Variants in NISCH observed in about 807,000 individuals in gnomAD.
The protein encoded by NISCH is nischarin.
Under a neutral mutation model 138.4 loss-of-function variants are expected in NISCH, and 55 were observed. The observed-to-expected ratio is 0.40, with a 90% CI of 0.32 to 0.50. The LOEUF is 0.50. Among genes scored for constraint, NISCH ranks in the 20% least tolerant of loss-of-function variants. The pLI, the probability that NISCH is intolerant of heterozygous loss-of-function variation, is 0.71. For missense variants in NISCH, 1,643 were observed against 2,005.5 expected, an observed-to-expected ratio of 0.82 and a Z score of 3.45; for synonymous variants, 860 against 861.5, an observed-to-expected ratio of 1.00 and a Z score of 0.03.
chr3:52,487,609 G>A lies in NISCH; in HGVS notation c.2117G>A (p.Arg706His), dbSNP rs537822453. Residue 706 changes from arginine to histidine, a missense_variant, in exon 16 of 21, where the codon CGC becomes CAC. Physicochemically the swap from Arg to His is conservative, Grantham distance 29. Transcript: ENST00000345716. The surrounding 1 kb of genome is among the most constrained non-coding windows in gnomAD (Gnocchi z 9.1). ...ADEDFLLEHI[R>H]ILKVLWCFLI... ...GAGGACTTCCTGCTGGAGCACATCC[G>A]CATCCTCAAGGTGCTGTGGTGCTTC... 47 of 1,613,766 alleles carry A rather than the reference G, an allele frequency of 2.9e-5. No individual in the cohort carries two copies. Among genetic ancestry groups the A allele is most frequent in the Middle Eastern group, 1.6e-4 (1 of 6,082 alleles).
In NISCH at chr3:52,470,806, C is replaced by T. The variant is rs889512976; in HGVS notation, c.361-53C>T. 17 of 1,511,434 alleles carry T rather than the reference C, an allele frequency of 1.1e-5. No individual in the cohort carries two copies. In the African/African-American group the frequency reaches 2.2e-4, roughly 20 times the overall value. The allele number at this position is 1,511,434 out of a possible 1,614,324, so 93.6% of individuals were successfully genotyped here. On this transcript the variant is annotated intron_variant, in intron 3 of 20. Coordinates refer to ENST00000345716, the MANE Select transcript of NISCH (RefSeq NM_007184.4). ...GGATAGATAGCGGGGAATGTGACCC[C>T]AGGGACTGGGGTCAGGTGGACTTTC...
At chr3:52,480,488 G>C in intron 13 of NISCH, 193 bp downstream of exon 13, 1 of 1,528,688 alleles carries the variant, frequency 6.5e-7, no homozygotes, top group Non-Finnish European at 8.7e-7. Context: ...GCCAGCTGTT[G>C]CTTGCTTGGT....
At position 52,489,802 on chromosome 3, in the gene NISCH, T is replaced by C. The variant is rs1707513711; in HGVS notation, c.3456+124T>C. On this transcript the variant is annotated intron_variant, in intron 17 of 20. Transcript: ENST00000345716. ...ATGTCGGAGTCCTCAGCTGAGCTGC[T>C]CACAGCTTTGAGGACCTGGGCAGTG... is the stretch of plus-strand genomic sequence containing the variant. 5 of 1,454,458 alleles carry C rather than the reference T, an allele frequency of 3.4e-6. No homozygotes were observed. In the South Asian group the frequency reaches 5.6e-5, roughly 16 times the overall value. The allele number at this position is 1,454,458 out of a possible 1,614,324, so 90.1% of individuals were successfully genotyped here.
chr3:52,472,479 T>A, intron 6 of NISCH, 81 bp downstream of exon 6: 1 of 1,219,098 alleles, frequency 8.2e-7, no homozygotes, highest in Non-Finnish European at 1.2e-6. Context: ...TGTCCTAATT[T>A]AATCATAAGG....
chr3:52,489,739 T>C, intron 17 of NISCH, 61 bp downstream of exon 17: 1 of 1,563,790 alleles, frequency 6.4e-7, no homozygotes, highest in Non-Finnish European at 8.6e-7. Context: ...GAGGCCAAGC[T>C]TGGCTTCAGG....
chr3:52,469,706 G>A (rs1670132027), intron 3 of NISCH, among the ~76,000 whole-genome samples: 1 of 152,178 alleles, frequency 6.6e-6, no homozygotes, highest in East Asian at 1.9e-4. Context: ...CTTGAGGACA[G>A]GAGTTTGAGA....
At position 52,476,602 on chromosome 3, in the gene NISCH, A is replaced by G. The variant is rs1294465989; in HGVS notation, c.918+3A>G. 1.9e-6 allele frequency: 3 copies of G among 1,614,100 alleles called. No individual in the cohort carries two copies. Among genetic ancestry groups the G allele is most frequent in the Non-Finnish European group, 2.5e-6 (3 of 1,179,962 alleles). ...TCTCCGAGATCGACGAGTCTGTGGTATGCTCTCAGCAGCAGGTGCCAGGGG... is the reference window on the plus strand; with the variant it reads ...TCTCCGAGATCGACGAGTCTGTGGTGTGCTCTCAGCAGCAGGTGCCAGGGG... On this transcript the variant is annotated splice_donor_region_variant and intron_variant, in intron 8 of 20. Transcript: ENST00000345716.
chr3:52,455,654 C>A lies in NISCH; in HGVS notation c.13C>A (p.Arg5Ser). The A allele has an allele frequency of 7.4e-7, 1 of 1,344,824 alleles. No individual in the cohort carries two copies. 83.3% of individuals were successfully genotyped at this position (1,344,824 alleles called of 1,614,324 possible). Residue 5 changes from arginine to serine, a missense_variant, in exon 1 of 21, where the codon CGC becomes AGC. Arg to Ser is a moderately radical substitution (Grantham distance 110). Transcript: ENST00000345716. The stretch of plus-strand genomic sequence containing the variant: ...CGGAGACCCGAACATGGCGACCGCG[C>A]GCACCTTCGGGCCCGAGCGGGAAGC... MATA[R>S]TFGPEREAEP... is the part of the protein sequence containing the mutation.
intron 1 of NISCH, 89 bp from the exon 2 acceptor site, chr3:52,457,741 AAAAGATAATTGGG>A (rs1211689614): frequency 2.2e-6 from 2 of 921,948 alleles, no homozygotes; most frequent in Non-Finnish European, 3.6e-6. Flanking sequence ...AAAGACTGAT[AAAAGATAATTGGG>A]AAAGATAATT....
chr3:52,467,145 C>T (rs1706804447), intron 3 of NISCH, among the ~76,000 whole-genome samples: 4 of 151,906 alleles, frequency 2.6e-5, no homozygotes, highest in Admixed American at 2.6e-4. Context: ...GTAGTACAGG[C>T]ATGTGCCACC....
At chr3:52,456,366 G>A (rs746059913) in intron 1 of NISCH, among the ~76,000 whole-genome samples, 1 of 152,148 alleles carries the variant, frequency 6.6e-6, no homozygotes, top group Non-Finnish European at 1.5e-5. Flanking sequence ...GGCCCTATAA[G>A]CCTTAGGAAT....
chr3:52,467,001 T>TTA (rs2153230932), intron 3 of NISCH, among the ~76,000 whole-genome samples: 1 of 143,332 alleles, frequency 7.0e-6, no homozygotes, highest in South Asian at 2.3e-4. Context: ...TTCTTTTTCT[T>TTA]TTTTTTTTTT....
Position 52,479,917 on chromosome 3 carries a change from G to A in NISCH, c.1416+55G>A. 2.1e-6 allele frequency: 3 copies of A among 1,413,166 alleles called. No individual in the cohort carries two copies. In the South Asian group the frequency reaches 3.6e-5, roughly 17 times the overall value. 87.5% of individuals were successfully genotyped at this position (1,413,166 alleles called of 1,614,324 possible). ...TGGTGCAGAGCCAGCCGGGATAGGA[G>A]CCAGTTTGGGGGGCTTGGGCCATGG... On this transcript the variant is annotated intron_variant, in intron 12 of 20. Transcript: ENST00000345716.
rs1355653085 is a variant in NISCH, at chr3:52,470,848, G to T, written c.361-11G>T. ...TGGACTTTCTAAGGGCAAATTTTGT[G>T]TTCTCTGCAGGAGATAAATGGCATC... On this transcript the variant is annotated splice_polypyrimidine_tract_variant and intron_variant, in intron 3 of 20. Coordinates refer to ENST00000345716, the MANE Select transcript of NISCH (RefSeq NM_007184.4). The T allele has an allele frequency of 1.9e-6, 3 of 1,614,086 alleles. No individual in the cohort carries two copies. Among genetic ancestry groups the T allele is most frequent in the Non-Finnish European group, 2.5e-6 (3 of 1,179,970 alleles).
At chr3:52,484,270 T>C in intron 13 of NISCH, 1 of 462,384 alleles carries the variant, frequency 2.2e-6, no homozygotes, top group Non-Finnish European at 3.9e-6. Context: ...TTTTTTCCAT[T>C]GCATTTATTC....
At chr3:52,457,691 G>A (rs79175419) in intron 1 of NISCH, 152 bp from the exon 2 acceptor site, 20,490 of 670,372 alleles carry the variant, frequency 0.031, 469 homozygotes, top group Non-Finnish European at 0.046. Context: ...GGCAAGGGCA[G>A]CCTGACTTTG....
intron 13 of NISCH, among the ~76,000 whole-genome samples, chr3:52,482,889 A>T (rs1288725626): frequency 2.6e-5 from 4 of 152,150 alleles, no homozygotes; most frequent in African/African-American, 9.7e-5. Context: ...GTTCAAGATG[A>T]CCCAGACTGT....
chr3:52,466,689 G>A (rs1469824371), intron 3 of NISCH, among the ~76,000 whole-genome samples: 3 of 152,092 alleles, frequency 2.0e-5, no homozygotes, highest in Admixed American at 1.3e-4. Flanking sequence ...AGATAAGCAC[G>A]CTGCCTGGGT....
rs1707500588 is a variant in NISCH, at chr3:52,489,399, A to G, written c.3177A>G (p.Pro1059=). The G allele has an allele frequency of 9.9e-6, 16 of 1,609,196 alleles. No homozygotes were observed. Among genetic ancestry groups the G allele is most frequent in the Non-Finnish European group, 1.2e-5 (14 of 1,176,832 alleles). The change falls in exon 17 of 21, where the codon CCA becomes CCG. Residue 1059 remains proline, a synonymous_variant. Coordinates refer to ENST00000345716, the MANE Select transcript of NISCH (RefSeq NM_007184.4). ...TGGCCCCGGCCCCAGCGGAAGTCCC[A>G]GCTCCAGCCCCTGCAGCAGCCTCAG... ...EALAPAPAEV[P]APAPAAASAS...
Sources: allele counts gnomAD v4.1 joint callset (sites outside exome capture counted in the v4.1 genomes callset), GRCh38; gene constraint gnomAD v4.1.1; non-coding constraint Gnocchi (gnomAD v3.1); transcripts MANE v1.5; gene names NCBI Gene and HGNC (gene_info 2026-07-23, HGNC 2026-07-21).